Variants in ARHGAP9 observed in about 807,000 individuals in gnomAD.
The protein encoded by ARHGAP9 is Rho GTPase activating protein 9.
ARHGAP9 carries 76 observed loss-of-function variants against 87.3 expected under a neutral mutation model. The ratio of observed to expected loss-of-function variants is 0.87; its 90% confidence interval spans 0.72 to 1.05. ARHGAP9 has a LOEUF of 1.05. ARHGAP9 is among the 50% of genes least tolerant of loss of function. The probability of loss-of-function intolerance (pLI) is 0.00; values close to 1 mark genes in which losing one functional copy is unlikely to be tolerated. For missense variants in ARHGAP9, 941 were observed against 960.5 expected, an observed-to-expected ratio of 0.98 and a Z score of 0.27; for synonymous variants, 382 against 394.9, an observed-to-expected ratio of 0.97 and a Z score of 0.39.
intron 1 of ARHGAP9, chr12:57,488,117 C>T (rs766385130): frequency 6.2e-7 from 1 of 1,614,206 alleles, no homozygotes; most frequent in East Asian, 2.2e-5. Flanking sequence ...GTGATGGCGT[C>T]CCGGGTTGCT....
chr12:57,477,907 T>G, intron 3 of ARHGAP9: 1 of 1,316,946 alleles, frequency 7.6e-7, no homozygotes. Context: ...GTTGCCAACT[T>G]CCCGCCTCCC....
intron 6 of ARHGAP9, 93 bp downstream of exon 6, chr12:57,476,778 A>G: frequency 1.5e-6 from 2 of 1,298,536 alleles, no homozygotes; most frequent in Non-Finnish European, 2.2e-6. Flanking sequence ...GTAGGAGGAT[A>G]TTCAGAAAGA....
Position 57,472,702 on chromosome 12 carries a change from C to G in ARHGAP9, c.2025-14G>C. 1 of 1,613,976 alleles carries G rather than the reference C, an allele frequency of 6.2e-7. No individual in the cohort carries two copies. Among genetic ancestry groups the G allele is most frequent in the African/African-American group, 1.3e-5 (1 of 75,008 alleles). ...TGTGCTATCACCCTGTAAGCAAAGGCCAAGGAAGGGGATATATGGCAGCAG... is the reference window on the plus strand; with the variant it reads ...TGTGCTATCACCCTGTAAGCAAAGGGCAAGGAAGGGGATATATGGCAGCAG... On this transcript the variant is annotated splice_polypyrimidine_tract_variant and intron_variant, in intron 17 of 17. Transcript: ENST00000393791.
rs375190866 is a variant in ARHGAP9, at chr12:57,486,314, G to C, written c.-204+2298C>G. 1.8e-3 allele frequency among the ~76,000 whole-genome samples: 270 copies of C among 151,620 alleles called. 10 individuals carry two copies. In the East Asian group the frequency reaches 0.045, roughly 26 times the overall value. On this transcript the variant is annotated intron_variant, in intron 1 of 20. Coordinates refer to the ARHGAP9 transcript ENST00000393797. ...AGACGAAGTCTTGCTCTATTGTGCA[G>C]GCTGGAGTGTAGAGGCACGATCTCG...
intron 1 of ARHGAP9, chr12:57,488,240 G>T: frequency 6.4e-7 from 1 of 1,564,754 alleles, no homozygotes. Flanking sequence ...TGGGGGGGCG[G>T]GACCGAAACA....
Position 57,477,242 on chromosome 12 carries a change from T to C in ARHGAP9, c.784A>G (p.Thr262Ala). ...AGGACATCATTGTTCCTCTTCAGGG[T>C]CTGTGTCCCCTCCATGGAGCCAGGG... is the stretch of plus-strand genomic sequence containing the variant. ...TNPGSMEGTQ[T>A]LKRNNDVLQP... The change falls in exon 5 of 18, where the codon ACC (threonine) becomes GCC (alanine). Residue 262 changes from threonine (T) to alanine (A), a missense_variant. Physicochemically the swap from Thr to Ala is moderately conservative, Grantham distance 58. Coordinates refer to ENST00000393791, the MANE Select transcript of ARHGAP9 (RefSeq NM_032496.4). The C allele has an allele frequency of 6.3e-7, 1 of 1,585,256 alleles. No individual in the cohort carries two copies. Among genetic ancestry groups the C allele is most frequent in the Non-Finnish European group, 8.6e-7 (1 of 1,165,948 alleles).
At position 57,472,690 on chromosome 12, in the gene ARHGAP9, T is replaced by A; in HGVS notation, c.2025-2A>T. 1 of 1,614,164 alleles carries A rather than the reference T, an allele frequency of 6.2e-7. No homozygotes were observed. Among genetic ancestry groups the A allele is most frequent in the Non-Finnish European group, 8.5e-7 (1 of 1,180,006 alleles). On this transcript the variant is annotated splice_acceptor_variant, in intron 17 of 17. Coordinates refer to ENST00000393791, the MANE Select transcript of ARHGAP9 (RefSeq NM_032496.4). LOFTEE classifies it high-confidence loss of function. ...TTCTTATCTGAGTGTGCTATCACCC[T>A]GTAAGCAAAGGCCAAGGAAGGGGAT...
At position 57,475,524 on chromosome 12, in the gene ARHGAP9, AC is replaced by A; in HGVS notation, c.1402del (p.Val468CysfsTer30). Reference protein sequence around the residue: ...GEDEEEESELVSKPLLRLSSR... With the variant: ...GEDEEEESELXSKPLLRLSSR... ...GCTGAGGCGCAGCAGCGGCTTGGACACCAGCTCCGACTCCTCTTCTTCGTCC... is the reference window on the plus strand; with the variant it reads ...GCTGAGGCGCAGCAGCGGCTTGGACACAGCTCCGACTCCTCTTCTTCGTCC... On this transcript the variant is annotated frameshift_variant, in exon 11 of 18. Coordinates refer to ENST00000393791, the MANE Select transcript of ARHGAP9 (RefSeq NM_032496.4). LOFTEE classifies it high-confidence loss of function. 6.2e-7 allele frequency: 1 copy of A among 1,604,370 alleles called. No homozygotes were observed. The highest frequency in any genetic ancestry group is 8.5e-7 in the Non-Finnish European group (1 of 1,176,720).
At chr12:57,477,839 A>C in intron 3 of ARHGAP9, 159 bp from the exon 4 acceptor site, 1 of 1,457,408 alleles carries the variant, frequency 6.9e-7, no homozygotes, top group Non-Finnish European at 9.0e-7. Flanking sequence ...CTCAGGCCCC[A>C]GCTGCTTTTT....
At chr12:57,472,962 C>T (rs997013249) in intron 17 of ARHGAP9, among the ~76,000 whole-genome samples, 1 of 152,174 alleles carries the variant, frequency 6.6e-6, no homozygotes, top group African/African-American at 2.4e-5. Flanking sequence ...TTCAAGTGGC[C>T]ATCCTCTCTC....
chr12:57,476,754 T>C, intron 6 of ARHGAP9, 103 bp from the exon 7 acceptor site: 2 of 1,347,216 alleles, frequency 1.5e-6, no homozygotes, highest in Non-Finnish European at 2.0e-6. Context: ...TTAAAGTTGC[T>C]GGGGGAGGGC....
upstream of ARHGAP9, chr12:57,480,206 A>C: frequency 8.6e-6 from 7 of 812,472 alleles, no homozygotes; most frequent in South Asian, 2.8e-4. Context: ...TTTGAGACGA[A>C]GTCTCGTTCT....
At chr12:57,475,097 G>T (rs1873089163) in intron 12 of ARHGAP9, 124 bp from the exon 13 acceptor site, 1 of 1,159,382 alleles carries the variant, frequency 8.6e-7, no homozygotes. Flanking sequence ...CCTGGGCAAG[G>T]AAATACACTC....
intron 1 of ARHGAP9, among the ~76,000 whole-genome samples, chr12:57,485,428 T>C (rs776724711): frequency 4.0e-5 from 6 of 151,270 alleles, no homozygotes; most frequent in Non-Finnish European, 7.4e-5. Flanking sequence ...TGGTGGCAGG[T>C]GTCTGTAATC....
rs1209999203 is a variant in ARHGAP9 at position 57,477,699 on chromosome 12, G to A, written c.535-19C>T. On this transcript the variant is annotated intron_variant, in intron 3 of 17. Transcript: ENST00000393791. ...GGCCTGCCTGCCAGAAAAGGGGGAA[G>A]AAGGAGGTGGTCATTCTGCCTGTTG... 6.2e-7 allele frequency: 1 copy of A among 1,608,500 alleles called. No homozygotes were observed. Among genetic ancestry groups the A allele is most frequent in the Non-Finnish European group, 8.5e-7 (1 of 1,176,150 alleles).
chr12:57,473,976 T>C lies in ARHGAP9; in HGVS notation c.1918+66A>G. Reference sequence around the variant, plus strand: ...TGGGAAAGAAGAGTATAAGGGAACCTCTATTCTATTATTTACCACCCGTGT... The same window carrying C: ...TGGGAAAGAAGAGTATAAGGGAACCCCTATTCTATTATTTACCACCCGTGT... On this transcript the variant is annotated intron_variant, in intron 16 of 17. Transcript: ENST00000393791. The C allele has an allele frequency of 2.0e-6, 3 of 1,532,862 alleles. No individual in the cohort carries two copies. The South Asian group carries it at 3.7e-5, about 19-fold the overall frequency. The allele number at this position is 1,532,862 out of a possible 1,614,324, so 95.0% of individuals were successfully genotyped here.
At chr12:57,485,982 T>C (rs1047798357) in intron 1 of ARHGAP9, among the ~76,000 whole-genome samples, 7 of 152,024 alleles carry the variant, frequency 4.6e-5, no homozygotes, top group African/African-American at 1.7e-4. Context: ...CAGCTCAAAG[T>C]GGTAGGATTT....
At position 57,472,301 on chromosome 12, in the gene ARHGAP9, G is replaced by T; in HGVS notation, c.*216C>A. Reference sequence around the variant, plus strand: ...CCACTTTATGTATTATTATGTTGGGGAGGAATGATAACAGGGAACAAGAAG... The same window carrying T: ...CCACTTTATGTATTATTATGTTGGGTAGGAATGATAACAGGGAACAAGAAG... On this transcript the variant is annotated 3_prime_UTR_variant, in exon 18 of 18. Transcript: ENST00000393791. 1.6e-6 allele frequency: 1 copy of T among 624,450 alleles called. No homozygotes were observed. Among genetic ancestry groups the T allele is most frequent in the Non-Finnish European group, 2.7e-6 (1 of 371,068 alleles). The allele number at this position is 624,450 out of a possible 1,614,324, so 38.7% of individuals were successfully genotyped here. A position where few individuals can be genotyped will look rare whatever the true frequency, so the allele number is the denominator to read the frequency against.
At chr12:57,482,701 T>C (rs1199808231), upstream of ARHGAP9, among the ~76,000 whole-genome samples, 1 of 152,100 alleles carries the variant, frequency 6.6e-6, no homozygotes, top group Non-Finnish European at 1.5e-5. Context: ...TGAGACCCTG[T>C]CTCAAAATAA....
Sources: allele counts gnomAD v4.1 joint callset (sites outside exome capture counted in the v4.1 genomes callset), GRCh38; gene constraint gnomAD v4.1.1; transcripts MANE v1.5; gene names NCBI Gene and HGNC (gene_info 2026-07-23, HGNC 2026-07-21).